NXPE2: variants seen among roughly 807,000 people sequenced by gnomAD.
NXPE2 encodes the protein neurexophilin and PC-esterase domain family member 2.
In NXPE2, 34 loss-of-function variants were observed where a neutral mutation model predicts 34.4. The observed-to-expected ratio is 0.99, with a 90% CI of 0.75 to 1.31. The LOEUF (loss-of-function observed/expected upper bound fraction) is 1.31, where lower values mean the gene tolerates loss of function less well. Among genes scored for constraint, NXPE2 ranks in the 40% most tolerant of loss-of-function variants. The probability of loss-of-function intolerance (pLI) is 0.00; values close to 1 mark genes in which losing one functional copy is unlikely to be tolerated. For missense variants in NXPE2, 649 were observed against 672.5 expected, an observed-to-expected ratio of 0.97 and a Z score of 0.39; for synonymous variants, 235 against 231.3, an observed-to-expected ratio of 1.02 and a Z score of -0.15.
the NXPE2 span, among the ~76,000 whole-genome samples, chr11:114,476,851 G>A: frequency 3.9e-5 from 6 of 152,162 alleles, no homozygotes; most frequent in South Asian, 4.1e-4. Context: ...TGTGTGTGGA[G>A]GTAGTGGGTA....
the NXPE2 span, among the ~76,000 whole-genome samples, chr11:114,739,445 T>C: frequency 2.8e-5 from 4 of 140,356 alleles, no homozygotes; most frequent in Admixed American, 7.1e-5. Flanking sequence ...CTTCCTACCT[T>C]CCTCCCTCCC....
At chr11:114,709,376 G>C (rs1038974015), downstream of NXPE2, among the ~76,000 whole-genome samples, 2 of 152,128 alleles carry the variant, frequency 1.3e-5, no homozygotes, top group African/African-American at 2.4e-5. Flanking sequence ...TAAGTGTCAA[G>C]TCTCTGACTT....
At chr11:114,669,294 A>G in the NXPE2 span, among the ~76,000 whole-genome samples, 1 of 152,124 alleles carries the variant, frequency 6.6e-6, no homozygotes, top group African/African-American at 2.4e-5. Context: ...AGAATGGAAA[A>G]AGACTGGAAA....
the NXPE2 span, among the ~76,000 whole-genome samples, chr11:114,731,106 G>T: frequency 3.3e-5 from 5 of 152,014 alleles, no homozygotes; most frequent in Admixed American, 6.6e-5. Context: ...TATCATGAAG[G>T]CATGTTGGAT....
At chr11:114,589,139 G>C in the NXPE2 span, among the ~76,000 whole-genome samples, 1 of 152,116 alleles carries the variant, frequency 6.6e-6, no homozygotes. Flanking sequence ...CAGGAAGCAA[G>C]AAGAAGCCAC....
the NXPE2 span, among the ~76,000 whole-genome samples, chr11:114,627,485 C>G: frequency 6.6e-6 from 1 of 150,706 alleles, no homozygotes; most frequent in Non-Finnish European, 1.5e-5. Flanking sequence ...ATTTTGTCAC[C>G]ACCAGGTCTG....
At chr11:114,596,394 G>A in the NXPE2 span, among the ~76,000 whole-genome samples, 3,512 of 152,226 alleles carry the variant, frequency 0.023, 57 homozygotes, top group Non-Finnish European at 0.035. Flanking sequence ...CTGTGGCTCC[G>A]TCCATGGGTT....
the NXPE2 span, among the ~76,000 whole-genome samples, chr11:114,652,168 T>G: frequency 6.6e-6 from 1 of 152,168 alleles, no homozygotes; most frequent in Admixed American, 6.5e-5. Flanking sequence ...GGGTGAGAGA[T>G]AAGCAGGGAG....
At chr11:114,530,625 A>G in the NXPE2 span, 2 of 1,614,118 alleles carry the variant, frequency 1.2e-6, no homozygotes, top group Non-Finnish European at 1.7e-6. Flanking sequence ...CCTCTGTCCC[A>G]AGTGGTCCCT....
At chr11:114,607,569 ACAGTTACC>A in the NXPE2 span, among the ~76,000 whole-genome samples, 26 of 152,056 alleles carry the variant, frequency 1.7e-4, no homozygotes, top group African/African-American at 5.3e-4. Flanking sequence ...GTGGGTAACC[ACAGTTACC>A]CAGTGGATAA....
chr11:114,706,877 C>T lies in NXPE2; in HGVS notation c.1627C>T (p.Pro543Ser). 6.4e-7 allele frequency: 1 copy of T among 1,551,532 alleles called. No individual in the cohort carries two copies. Among genetic ancestry groups the T allele is most frequent in the Non-Finnish European group, 8.7e-7 (1 of 1,146,704 alleles). The part of the protein sequence containing the change: ...IAYCTNNAHP[P>S]DYVIQNQIGM... ...ATATTGCACCAACAATGCCCATCCA[C>T]CGGATTATGTGATTCAAAATCAGAT... is the stretch of plus-strand genomic sequence containing the variant. Residue 543 changes from proline (P) to serine (S), a missense_variant, in exon 6 of 6, where the codon CCG (proline) becomes TCG (serine). Transcript: ENST00000389586.
At chr11:114,465,834 A>G in the NXPE2 span, among the ~76,000 whole-genome samples, 1 of 152,198 alleles carries the variant, frequency 6.6e-6, no homozygotes. Flanking sequence ...TTTCAATGTG[A>G]TAATGTATGA....
At chr11:114,530,841 G>A in the NXPE2 span, 1 of 1,614,132 alleles carries the variant, frequency 6.2e-7, no homozygotes, top group Non-Finnish European at 8.5e-7. Flanking sequence ...TGATGTTTTA[G>A]GGAATAAGGA....
chr11:114,636,850 T>G, the NXPE2 span, among the ~76,000 whole-genome samples: 2 of 152,156 alleles, frequency 1.3e-5, no homozygotes, highest in African/African-American at 2.4e-5. Flanking sequence ...ATTTCTGTTC[T>G]TTTACATTTT....
the NXPE2 span, among the ~76,000 whole-genome samples, chr11:114,802,258 G>T: frequency 8.3e-4 from 126 of 152,242 alleles, no homozygotes; most frequent in Middle Eastern, 6.8e-3. Flanking sequence ...TGCCACTCTG[G>T]GTTCTCCCTC....
At chr11:114,467,178 G>A in the NXPE2 span, among the ~76,000 whole-genome samples, 7 of 152,284 alleles carry the variant, frequency 4.6e-5, no homozygotes, top group South Asian at 2.1e-4. Flanking sequence ...TAACACTGAC[G>A]TTTGTCAAAG....
the NXPE2 span, among the ~76,000 whole-genome samples, chr11:114,492,625 G>A: frequency 4.0e-5 from 6 of 151,018 alleles, no homozygotes; most frequent in South Asian, 4.2e-4. Context: ...TGCAAGCTCC[G>A]CGTCCTGGGT....
At chr11:114,471,937 AG>A in the NXPE2 span, among the ~76,000 whole-genome samples, 5 of 152,210 alleles carry the variant, frequency 3.3e-5, no homozygotes, top group Non-Finnish European at 1.5e-5. Flanking sequence ...TTTATCTTAC[AG>A]GTTTGCCAAA....
the NXPE2 span, among the ~76,000 whole-genome samples, chr11:114,657,469 T>C: frequency 6.6e-6 from 1 of 152,198 alleles, no homozygotes; most frequent in South Asian, 2.1e-4. Flanking sequence ...ATCACAGTAT[T>C]TCATATCATG....
Sources: allele counts gnomAD v4.1 joint callset (sites outside exome capture counted in the v4.1 genomes callset), GRCh38; gene constraint gnomAD v4.1.1; transcripts MANE v1.5; gene names NCBI Gene and HGNC (gene_info 2026-07-23, HGNC 2026-07-21).